RIMS2: variants seen among roughly 807,000 people sequenced by gnomAD.
RIMS2 encodes the protein regulating synaptic membrane exocytosis 2.
Under a neutral mutation model 174.4 loss-of-function variants are expected in RIMS2, and 59 were observed. That is an observed-to-expected ratio of 0.34 (90% CI 0.27 to 0.42). RIMS2 has a LOEUF of 0.42. Ranked by LOEUF, RIMS2 falls within the 10% of genes least tolerant of loss-of-function variation. The pLI is 1.00. For missense variants in RIMS2, 1,620 were observed against 1,666.3 expected (o/e 0.97, Z 0.48); for synonymous variants, 606 against 572.5 (o/e 1.06, Z -0.84).
At chr8:104,217,640 G>A (rs1563813849) in intron 19 of RIMS2, among the ~76,000 whole-genome samples, 1 of 152,102 alleles carries the variant, frequency 6.6e-6, no homozygotes, top group Non-Finnish European at 1.5e-5. Context: ...TATTACATCT[G>A]CTCTTCACTC....
intron 14 of RIMS2, among the ~76,000 whole-genome samples, chr8:103,959,060 T>G (rs1345050366): frequency 6.6e-6 from 1 of 152,212 alleles, no homozygotes; most frequent in Non-Finnish European, 1.5e-5. Context: ...GTGGGCCATC[T>G]ACAGAAGCAA....
chr8:103,543,119 C>A (rs1464622509), intron 1 of RIMS2, among the ~76,000 whole-genome samples: 2 of 152,036 alleles, frequency 1.3e-5, no homozygotes, highest in African/African-American at 4.8e-5. Flanking sequence ...ATACAGAAAA[C>A]CCTATAGACT....
chr8:103,678,719 C>T (rs1285064430), intron 1 of RIMS2, among the ~76,000 whole-genome samples: 2 of 152,010 alleles, frequency 1.3e-5, no homozygotes, highest in African/African-American at 4.8e-5. Flanking sequence ...TGAAGCCTAT[C>T]GATTCTTTCT....
At chr8:103,921,002 GCAACAACAACAACAACAA>G (rs112922890) in intron 9 of RIMS2, 60 of 197,028 alleles carry the variant, frequency 3.0e-4, no homozygotes, top group African/African-American at 1.3e-3. Flanking sequence ...CTGTCTCAAA[GCAACAACAACAACAACAA>G]CAACAACAAC....
intron 1 of RIMS2, among the ~76,000 whole-genome samples, chr8:103,547,422 A>G (rs1002387483): frequency 6.6e-6 from 1 of 152,226 alleles, no homozygotes; most frequent in African/African-American, 2.4e-5. Context: ...TGGCTAAACA[A>G]TGAAATTAAG....
chr8:103,626,115 T>G (rs1319807208), intron 1 of RIMS2, among the ~76,000 whole-genome samples: 2 of 152,138 alleles, frequency 1.3e-5, no homozygotes, highest in Non-Finnish European at 2.9e-5. Context: ...CTTTAGATGG[T>G]ACATTATCTG....
At chr8:104,056,963 TC>T (rs1341862389) in intron 19 of RIMS2, among the ~76,000 whole-genome samples, 1 of 152,018 alleles carries the variant, frequency 6.6e-6, no homozygotes, top group Non-Finnish European at 1.5e-5. Flanking sequence ...AGTTTCAAGG[TC>T]CCGTCAACTC....
chr8:103,718,121 T>C (rs1028871721), intron 2 of RIMS2, among the ~76,000 whole-genome samples: 1 of 152,144 alleles, frequency 6.6e-6, no homozygotes, highest in East Asian at 1.9e-4. Context: ...AAGAAGAGTA[T>C]ACTTGCTAGT....
chr8:104,238,762 T>G (rs1307382043), intron 19 of RIMS2, among the ~76,000 whole-genome samples: 2 of 152,186 alleles, frequency 1.3e-5, no homozygotes, highest in African/African-American at 4.8e-5. Context: ...TGTGAGTCAA[T>G]AATTTTAGAA....
chr8:103,686,816 A>G (rs933264092), intron 1 of RIMS2, among the ~76,000 whole-genome samples: 5 of 151,954 alleles, frequency 3.3e-5, no homozygotes, highest in Non-Finnish European at 7.4e-5. Flanking sequence ...AGGCTGGAGT[A>G]CAATGTGCAA....
At chr8:103,719,212 G>A (rs1281897209) in intron 2 of RIMS2, among the ~76,000 whole-genome samples, 3 of 152,150 alleles carry the variant, frequency 2.0e-5, no homozygotes, top group Non-Finnish European at 4.4e-5. Flanking sequence ...GAGCACTGGA[G>A]TCATTAGTCA....
At chr8:103,555,553 A>G (rs1321829329) in intron 1 of RIMS2, among the ~76,000 whole-genome samples, 1 of 152,118 alleles carries the variant, frequency 6.6e-6, no homozygotes, top group Non-Finnish European at 1.5e-5. Flanking sequence ...TGTCAAAGAG[A>G]TATCTGTACT....
In RIMS2 at chr8:103,808,416, C is replaced by T. The variant is rs7813212; in HGVS notation, c.698+41879C>T. Among the ~76,000 whole-genome samples, 185 of 151,862 alleles carry T rather than the reference C, an allele frequency of 1.2e-3. 1 individual carries two copies. The highest frequency in any genetic ancestry group is 1.6e-3 in the Non-Finnish European group (106 of 67,956). ...TGTTTTTCCTTTTAAATTTTATCTCCGGGTGATCTCATCTACTTGCTTGGT... is the reference window on the plus strand; with the variant it reads ...TGTTTTTCCTTTTAAATTTTATCTCTGGGTGATCTCATCTACTTGCTTGGT... On this transcript the variant is annotated intron_variant, in intron 3 of 23. Transcript: ENST00000504942.
chr8:104,249,399 G>A, intron 21 of RIMS2, 88 bp from the exon 28 acceptor site: 1 of 618,412 alleles, frequency 1.6e-6, no homozygotes, highest in Non-Finnish European at 2.9e-6. Flanking sequence ...GGGAAATGAT[G>A]AAACGATGTT....
rs143926247 is a variant in RIMS2, at chr8:104,235,907, TTTG to T, written c.3335-9003_3335-9001del. Among the ~76,000 whole-genome samples the T allele has an allele frequency of 6.0e-3, 914 of 152,216 alleles. 12 individuals are homozygous for T. The highest frequency in any genetic ancestry group is 7.8e-3 in the Non-Finnish European group (531 of 67,962). Reference sequence around the variant, plus strand: ...CCCAAAAAAATGTTTTTTAAAGCTTTTTGTTGTTTTTCTCCTTAATCCAGGATT... The same window carrying T: ...CCCAAAAAAATGTTTTTTAAAGCTTTTTGTTTTTCTCCTTAATCCAGGATT... On this transcript the variant is annotated intron_variant, in intron 19 of 23. Transcript: ENST00000504942.
intron 1 of RIMS2, among the ~76,000 whole-genome samples, chr8:103,527,672 A>T (rs943950865): frequency 1.3e-5 from 2 of 152,054 alleles, no homozygotes; most frequent in Non-Finnish European, 2.9e-5. Flanking sequence ...TAGTTTGCTG[A>T]GAATGATGGT....
chr8:103,897,376 A>G (rs1033743481), intron 4 of RIMS2, among the ~76,000 whole-genome samples: 1 of 151,600 alleles, frequency 6.6e-6, no homozygotes, highest in African/African-American at 2.4e-5. Flanking sequence ...ACCAGGCATG[A>G]TGTTTGTCCT....
chr8:103,847,556 C>A (rs1290731980), intron 3 of RIMS2, among the ~76,000 whole-genome samples: 1 of 152,016 alleles, frequency 6.6e-6, no homozygotes, highest in Non-Finnish European at 1.5e-5. Context: ...GTAAAGCAGG[C>A]AGTCTATGAG....
chr8:103,570,027 C>T (rs905937297), intron 1 of RIMS2, among the ~76,000 whole-genome samples: 3 of 152,134 alleles, frequency 2.0e-5, no homozygotes, highest in Non-Finnish European at 4.4e-5. Context: ...GAATATTGGT[C>T]TTGTATCCTG....
Sources: allele counts gnomAD v4.1 joint callset (sites outside exome capture counted in the v4.1 genomes callset), GRCh38; gene constraint gnomAD v4.1.1; transcripts MANE v1.5; gene names NCBI Gene and HGNC (gene_info 2026-07-23, HGNC 2026-07-21).